ZFAND3: variants seen among roughly 807,000 people sequenced by gnomAD.
ZFAND3 encodes AN1-type zinc finger protein 3.
Under a neutral mutation model 29.6 loss-of-function variants are expected in ZFAND3, and 10 were observed. The observed-to-expected ratio is 0.34, with a 90% CI of 0.21 to 0.57. The LOEUF is 0.57. Ranked by LOEUF, ZFAND3 falls within the 20% of genes least tolerant of loss-of-function variation. ZFAND3 has a pLI of 0.86. For missense variants in ZFAND3, 230 were observed against 304.5 expected (o/e 0.76, Z 1.82); for synonymous variants, 128 against 112.6 (o/e 1.14, Z -0.87).
rs1486008771 is a variant in ZFAND3, at chr6:37,889,231, C to T, written c.72-40728C>T. Reference sequence around the variant, plus strand: ...GGAAAAAAAGGAAGCTTTCCTTCGTCTCTATTTTCTATATTAATGGGGAAT... The same window carrying T: ...GGAAAAAAAGGAAGCTTTCCTTCGTTTCTATTTTCTATATTAATGGGGAAT... On this transcript the variant is annotated intron_variant, in intron 1 of 5. Transcript: ENST00000287218. 3.3e-5 allele frequency among the ~76,000 whole-genome samples: 5 copies of T among 152,310 alleles called. No individual in the cohort carries two copies. The East Asian group carries it at 9.6e-4, about 29-fold the overall frequency.
intron 2 of ZFAND3, among the ~76,000 whole-genome samples, chr6:37,961,419 T>TGG (rs1173225989): frequency 6.6e-6 from 1 of 152,226 alleles, no homozygotes; most frequent in Non-Finnish European, 1.5e-5. Context: ...TCCAGGATCC[T>TGG]GGGGGAGCTT....
intron 5 of ZFAND3, among the ~76,000 whole-genome samples, chr6:38,127,031 C>T (rs1422382004): frequency 1.3e-5 from 2 of 152,120 alleles, no homozygotes; most frequent in African/African-American, 4.8e-5. Context: ...GGATTTTCTA[C>T]ATCCATGATC....
chr6:38,153,150 C>G lies in ZFAND3; in HGVS notation c.*761C>G, dbSNP rs1342289480. 1.0e-5 allele frequency: 10 copies of G among 985,422 alleles called. No homozygotes were observed. Among genetic ancestry groups the G allele is most frequent in the Non-Finnish European group, 1.2e-5 (10 of 829,990 alleles). 61.0% of individuals were successfully genotyped at this position (985,422 alleles called of 1,614,324 possible). On this transcript the variant is annotated 3_prime_UTR_variant, in exon 6 of 6. Coordinates refer to ENST00000287218, the MANE Select transcript of ZFAND3 (RefSeq NM_021943.3). ...CCAGAGTGCCCCGCCTCCGCCGGCT[C>G]TGGTCTGCCATTCGCCAGTGCAGGG...
At chr6:38,013,054 A>G (rs1437764793) in intron 2 of ZFAND3, among the ~76,000 whole-genome samples, 1 of 152,192 alleles carries the variant, frequency 6.6e-6, no homozygotes, top group Non-Finnish European at 1.5e-5. Context: ...TTACGTAGTC[A>G]ACTTTTTGTT....
intron 2 of ZFAND3, among the ~76,000 whole-genome samples, chr6:38,010,729 A>G (rs1257622913): frequency 6.6e-5 from 10 of 151,082 alleles, no homozygotes; most frequent in Non-Finnish European, 5.9e-5. Flanking sequence ...CCTCCCGAGT[A>G]GCTGGGATTA....
chr6:38,069,519 T>C (rs1438285023), intron 3 of ZFAND3, among the ~76,000 whole-genome samples: 1 of 152,182 alleles, frequency 6.6e-6, no homozygotes, highest in Admixed American at 6.5e-5. Flanking sequence ...AATTTAACGG[T>C]GTTTTTTTCC....
chr6:38,057,665 C>T (rs1052275262), intron 2 of ZFAND3, among the ~76,000 whole-genome samples: 3 of 152,120 alleles, frequency 2.0e-5, no homozygotes, highest in African/African-American at 4.8e-5. Context: ...GAATCCACGT[C>T]GTCACTCTAA....
At chr6:37,970,764 C>T (rs1762373124) in intron 2 of ZFAND3, among the ~76,000 whole-genome samples, 1 of 151,970 alleles carries the variant, frequency 6.6e-6, no homozygotes, top group Non-Finnish European at 1.5e-5. Context: ...AATTAGCCGG[C>T]CGTGGTGGCG....
intron 1 of ZFAND3, among the ~76,000 whole-genome samples, chr6:37,868,087 T>C (rs1315236127): frequency 2.6e-5 from 4 of 152,260 alleles, no homozygotes; most frequent in Non-Finnish European, 5.9e-5. Context: ...TTAGATGTCT[T>C]TACTAGATTG....
intron 1 of ZFAND3, among the ~76,000 whole-genome samples, chr6:37,843,256 CAGGT>C (rs1292126709): frequency 4.3e-4 from 66 of 152,126 alleles, no homozygotes; most frequent in African/African-American, 1.4e-3. Flanking sequence ...GAGGCTGAGG[CAGGT>C]GGATCACGAG....
intron 2 of ZFAND3, among the ~76,000 whole-genome samples, chr6:37,964,780 G>GA (rs1241041502): frequency 2.0e-5 from 3 of 152,072 alleles, no homozygotes; most frequent in African/African-American, 4.8e-5. Context: ...TGGTTTTCAG[G>GA]ACTCTATGGC....
At chr6:38,104,695 G>T (rs1488318461) in intron 4 of ZFAND3, among the ~76,000 whole-genome samples, 3 of 152,142 alleles carry the variant, frequency 2.0e-5, no homozygotes, top group Non-Finnish European at 4.4e-5. Context: ...TCTAAGAGCA[G>T]AGAACAAGTA....
chr6:37,982,810 A>G (rs1428984451), intron 2 of ZFAND3, among the ~76,000 whole-genome samples: 2 of 152,200 alleles, frequency 1.3e-5, no homozygotes, highest in Admixed American at 6.5e-5. Flanking sequence ...AGAAGAAGGC[A>G]GTGTTGTCAC....
At chr6:37,836,116 C>T (rs1395187040) in intron 1 of ZFAND3, among the ~76,000 whole-genome samples, 1 of 152,058 alleles carries the variant, frequency 6.6e-6, no homozygotes, top group African/African-American at 2.4e-5. Flanking sequence ...CAGGTAGAGT[C>T]ACATAAGAAG....
At chr6:38,050,350 T>C (rs955223166) in intron 2 of ZFAND3, among the ~76,000 whole-genome samples, 5 of 152,018 alleles carry the variant, frequency 3.3e-5, no homozygotes, top group African/African-American at 1.2e-4. Flanking sequence ...GCTCAAGCAA[T>C]CCTCCTACCT....
At chr6:37,846,709 T>G (rs1403767874) in intron 1 of ZFAND3, among the ~76,000 whole-genome samples, 2 of 151,686 alleles carry the variant, frequency 1.3e-5, no homozygotes, top group Non-Finnish European at 2.9e-5. Context: ...TTGTGATTTT[T>G]TTTTTTTTGT....
Position 38,026,421 on chromosome 6 carries a change from A to ATTTTT in ZFAND3, c.113-35150_113-35146dup, listed in dbSNP as rs10715149. Among the ~76,000 whole-genome samples, 42 of 74,866 alleles carry ATTTTT rather than the reference A, an allele frequency of 5.6e-4. 1 individual carries two copies. Among genetic ancestry groups the ATTTTT allele is most frequent in the African/African-American group, 2.1e-3 (37 of 17,900 alleles). 49.1% of individuals were successfully genotyped at this position (74,866 alleles called of 152,430 possible). On this transcript the variant is annotated intron_variant, in intron 2 of 5. Transcript: ENST00000287218. ...CATTTATTATTTGTATTACTTTAGG[A>ATTTTT]TTTTTTTTTTTTTTTTTTTTTTTTT...
chr6:37,848,807 A>G (rs985513232), intron 1 of ZFAND3, among the ~76,000 whole-genome samples: 2 of 152,106 alleles, frequency 1.3e-5, no homozygotes, highest in African/African-American at 4.8e-5. Flanking sequence ...TTTTTTAACA[A>G]TGTTTGGTGT....
intron 1 of ZFAND3, among the ~76,000 whole-genome samples, chr6:37,911,968 A>C (rs1199692651): frequency 6.6e-6 from 1 of 151,374 alleles, no homozygotes; most frequent in Non-Finnish European, 1.5e-5. Context: ...ATGCAGATTC[A>C]CCATCTTAGG....
Sources: gnomAD v4.1 joint callset for allele counts (sites outside exome capture counted in the v4.1 genomes callset) on GRCh38, gnomAD v4.1.1 for gene constraint, MANE v1.5 for transcripts, NCBI Gene and HGNC (gene_info 2026-07-23, HGNC 2026-07-21) for gene names.